SCNN1G: variants seen among roughly 807,000 people sequenced by gnomAD.
SCNN1G encodes sodium channel epithelial 1 subunit gamma.
A neutral mutation model predicts 64.6 loss-of-function variants in SCNN1G; 27 were observed. The observed-to-expected ratio is 0.42, with a 90% CI of 0.31 to 0.58. SCNN1G has a LOEUF of 0.58. Ranked by LOEUF, SCNN1G falls within the 20% of genes least tolerant of loss-of-function variation. SCNN1G has a pLI of 0.18. For missense variants in SCNN1G, 743 were observed against 823.4 expected (o/e 0.90, Z 1.19); for synonymous variants, 330 against 314.2 (o/e 1.05, Z -0.53).
intron 6 of SCNN1G, among the ~76,000 whole-genome samples, chr16:23,199,663 C>CTTTTTTTTTTTTTTTTTT (rs67132706): frequency 1.7e-5 from 1 of 59,644 alleles, no homozygotes; most frequent in African/African-American, 6.6e-5. Flanking sequence ...CTTTTCTTTT[C>CTTTTTTTTTTTTTTTTTT]TTTTTTTTTT....
intron 1 of SCNN1G, among the ~76,000 whole-genome samples, chr16:23,183,303 G>T (rs1474060784): frequency 6.6e-6 from 1 of 152,230 alleles, no homozygotes; most frequent in Non-Finnish European, 1.5e-5. Context: ...GACAGCGCCC[G>T]CTCGCTCCGC....
At chr16:23,186,120 A>G in intron 1 of SCNN1G, 108 bp from the exon 2 acceptor site, 1 of 719,862 alleles carries the variant, frequency 1.4e-6, no homozygotes, top group East Asian at 2.7e-5. Flanking sequence ...CAGAGGAAGG[A>G]GGTCTCTAAG....
Position 23,215,532 on chromosome 16 carries a change from G to A in SCNN1G, c.*63G>A. 1 of 1,589,624 alleles carries A rather than the reference G, an allele frequency of 6.3e-7. No individual in the cohort carries two copies. Among genetic ancestry groups the A allele is most frequent in the Non-Finnish European group, 8.5e-7 (1 of 1,170,670 alleles). On this transcript the variant is annotated 3_prime_UTR_variant, in exon 13 of 13. Coordinates refer to ENST00000300061, the MANE Select transcript of SCNN1G (RefSeq NM_001039.4). ...GCCATGGTCTAAGGACATGGATCGG[G>A]TGCCCCCAGACGTGTGCACAGGGGA... is the stretch of plus-strand genomic sequence containing the variant.
chr16:23,190,746 G>A (rs996829979), intron 3 of SCNN1G, among the ~76,000 whole-genome samples: 6 of 150,446 alleles, frequency 4.0e-5, no homozygotes, highest in Non-Finnish European at 5.9e-5. Context: ...ACAATAAACA[G>A]CAGAAACATC....
At position 23,194,059 on chromosome 16, in the gene SCNN1G, A is replaced by G. The variant is rs190569369; in HGVS notation, c.810-112A>G. 9 of 772,298 alleles carry G rather than the reference A, an allele frequency of 1.2e-5. No individual in the cohort carries two copies. The East Asian group carries it at 2.0e-4, about 17-fold the overall frequency. The allele number at this position is 772,298 out of a possible 1,614,324, so 47.8% of individuals were successfully genotyped here. On this transcript the variant is annotated intron_variant, in intron 4 of 12. Coordinates refer to ENST00000300061, the MANE Select transcript of SCNN1G (RefSeq NM_001039.4). Reference sequence around the variant, plus strand: ...GAGCAAGATGGGGAAAATGAGTCACATCTCTCACACATTCTCCCCAAAGAG... The same window carrying G: ...GAGCAAGATGGGGAAAATGAGTCACGTCTCTCACACATTCTCCCCAAAGAG...
rs1959720395 is a variant in SCNN1G, at chr16:23,192,247, C to A, written c.619-105C>A. On this transcript the variant is annotated intron_variant, in intron 3 of 12. Transcript: ENST00000300061. ...CCTTGCCCCAGATATCCAACCTGTTCCCCTGAGTATCTGGCCTGGAGTCTC... is the reference window on the plus strand; with the variant it reads ...CCTTGCCCCAGATATCCAACCTGTTACCCTGAGTATCTGGCCTGGAGTCTC... 6 of 930,874 alleles carry A rather than the reference C, an allele frequency of 6.4e-6. No individual in the cohort carries two copies. The East Asian group carries it at 1.4e-4, about 22-fold the overall frequency. 57.7% of individuals were successfully genotyped at this position (930,874 alleles called of 1,614,324 possible). A position where few individuals can be genotyped will look rare whatever the true frequency, so the allele number is the denominator to read the frequency against.
chr16:23,206,485 CA>C (rs1959992837), intron 6 of SCNN1G, among the ~76,000 whole-genome samples: 5 of 152,194 alleles, frequency 3.3e-5, no homozygotes, highest in Admixed American at 3.3e-4. Context: ...TGCAGCGCCC[CA>C]TACCTATAAT....
intron 2 of SCNN1G, 86 bp from the exon 3 acceptor site, chr16:23,189,285 T>C: frequency 7.3e-6 from 10 of 1,363,058 alleles, no homozygotes; most frequent in Non-Finnish European, 9.3e-6. Flanking sequence ...GGCTGACACG[T>C]GTTGATGGAA....
In SCNN1G at chr16:23,186,205, G is replaced by A. The variant is rs1279582182; in HGVS notation, c.-44-23G>A. 8 of 1,520,986 alleles carry A rather than the reference G, an allele frequency of 5.3e-6. No homozygotes were observed. In the South Asian group the frequency reaches 5.7e-5, roughly 11 times the overall value. 94.2% of individuals were successfully genotyped at this position (1,520,986 alleles called of 1,614,324 possible). A position where few individuals can be genotyped will look rare whatever the true frequency, so the allele number is the denominator to read the frequency against. On this transcript the variant is annotated intron_variant, in intron 1 of 12. Coordinates refer to ENST00000300061, the MANE Select transcript of SCNN1G (RefSeq NM_001039.4). ...CCGGCTAGTGCCTGCCAGCTCACCT[G>A]CTTCTCTTCTTTGCCCCTCCAGCAC...
At chr16:23,207,719 A>G (rs1442259541) in intron 6 of SCNN1G, among the ~76,000 whole-genome samples, 1 of 152,162 alleles carries the variant, frequency 6.6e-6, no homozygotes, top group East Asian at 1.9e-4. Context: ...TCTGTTGTTT[A>G]AACAGTTTTA....
At chr16:23,199,476 A>G (rs1230247511) in intron 6 of SCNN1G, among the ~76,000 whole-genome samples, 1 of 152,054 alleles carries the variant, frequency 6.6e-6, no homozygotes, top group Non-Finnish European at 1.5e-5. Flanking sequence ...TGTTTGCCAG[A>G]TTGTCCCCCA....
chr16:23,199,675 T>C (rs1228975677), intron 6 of SCNN1G, among the ~76,000 whole-genome samples: 2 of 123,476 alleles, frequency 1.6e-5, no homozygotes, highest in South Asian at 3.0e-4. Flanking sequence ...TTTTTTTTTT[T>C]TTTTTTTTTT....
intron 6 of SCNN1G, among the ~76,000 whole-genome samples, chr16:23,204,957 C>T (rs1375849507): frequency 2.0e-5 from 3 of 152,070 alleles, no homozygotes; most frequent in Non-Finnish European, 4.4e-5. Context: ...GGATTATAGG[C>T]GTGCACCACC....
At position 23,186,388 on chromosome 16, in the gene SCNN1G, T is replaced by C. The variant is rs369359502; in HGVS notation, c.117T>C (p.His39=). The change falls in exon 2 of 13, where the codon CAT becomes CAC. Residue 39 remains histidine (H), a synonymous_variant. Transcript: ENST00000300061. The stretch of plus-strand genomic sequence containing the variant: ...GGTACTGCCTCAACACCAACACCCA[T>C]GGCTGTCGCCGCATCGTGGTGTCCC... The part of the protein sequence containing the change: ...MRWYCLNTNT[H]GCRRIVVSRG... The C allele has an allele frequency of 5.7e-5, 92 of 1,614,274 alleles. 3 individuals carry two copies. The South Asian group carries it at 8.5e-4, about 15-fold the overall frequency.
chr16:23,206,379 G>T (rs964898842), intron 6 of SCNN1G, among the ~76,000 whole-genome samples: 2 of 152,154 alleles, frequency 1.3e-5, no homozygotes, highest in African/African-American at 4.8e-5. Context: ...TTTGATAAAG[G>T]CCCTCCTCTT....
chr16:23,215,175 C>T lies in SCNN1G; in HGVS notation c.1656C>T (p.Val552=), dbSNP rs747351262. The T allele has an allele frequency of 3.1e-6, 5 of 1,614,148 alleles. No homozygotes were observed. Among genetic ancestry groups the T allele is most frequent in the African/African-American group, 1.3e-5 (1 of 75,032 alleles). ...SVVCVIEIIE[V]FFIDFFSIIA... is the part of the protein sequence containing the mutation. ...TCTGCGTCATCGAGATCATCGAGGTCTTCTTCATTGACTTCTTCTCTATCA... is the reference window on the plus strand; with the variant it reads ...TCTGCGTCATCGAGATCATCGAGGTTTTCTTCATTGACTTCTTCTCTATCA... The change falls in exon 13 of 13, where the codon GTC becomes GTT. Residue 552 remains valine (V), a synonymous_variant. Coordinates refer to ENST00000300061, the MANE Select transcript of SCNN1G (RefSeq NM_001039.4).
chr16:23,210,049 C>G (rs544041351), intron 7 of SCNN1G, among the ~76,000 whole-genome samples: 1 of 152,194 alleles, frequency 6.6e-6, no homozygotes, highest in African/African-American at 2.4e-5. Context: ...ATTGATACAC[C>G]GAGGTTTCTG....
intron 1 of SCNN1G, among the ~76,000 whole-genome samples, chr16:23,183,254 G>T (rs1959550895): frequency 6.6e-6 from 1 of 152,232 alleles, no homozygotes. Flanking sequence ...AGCGCCTTCA[G>T]CCGGCGCTCC....
intron 3 of SCNN1G, among the ~76,000 whole-genome samples, chr16:23,190,797 G>C (rs1057385739): frequency 7.3e-6 from 1 of 137,312 alleles, no homozygotes; most frequent in African/African-American, 2.7e-5. Flanking sequence ...TGCTTGGCTT[G>C]ACTTCATTTT....
Sources: allele counts gnomAD v4.1 joint callset (sites outside exome capture counted in the v4.1 genomes callset), GRCh38; gene constraint gnomAD v4.1.1; transcripts MANE v1.5; gene names NCBI Gene and HGNC (gene_info 2026-07-23, HGNC 2026-07-21).